The following RGS6 variants were observed in gnomAD, a reference collection of about 807,000 sequenced individuals.
The protein encoded by RGS6 is regulator of G protein signaling 6.
In RGS6, 30 loss-of-function variants were observed where a neutral mutation model predicts 78.5. The ratio of observed to expected loss-of-function variants is 0.38; its 90% CI spans 0.29 to 0.52. The LOEUF (loss-of-function observed/expected upper bound fraction) is 0.52. Ranked by LOEUF, RGS6 falls within the 20% of genes least tolerant of loss-of-function variation. The probability of loss-of-function intolerance (pLI) is 0.85; values close to 1 mark genes in which losing one functional copy is unlikely to be tolerated. For missense variants in RGS6, 495 were observed against 609.7 expected, an observed-to-expected ratio of 0.81 and a Z score of 1.98; for synonymous variants, 206 against 206.0, an observed-to-expected ratio of 1.00 and a Z score of 0.00.
chr14:71,968,988 C>T (rs12888615), intron 2 of RGS6, among the ~76,000 whole-genome samples: 22,754 of 152,136 alleles, frequency 0.15, 2,089 homozygotes, highest in Non-Finnish European at 0.2. Context: ...TGCCACCCCA[C>T]GACAGGCCCC....
At chr14:72,340,117 T>C (rs2076721552) in intron 2 of RGS6, among the ~76,000 whole-genome samples, 1 of 152,158 alleles carries the variant, frequency 6.6e-6, no homozygotes, top group South Asian at 2.1e-4. Flanking sequence ...GAATGAGTGA[T>C]GATTCTCTCT....
chr14:71,995,978 A>G (rs191441382), intron 2 of RGS6, among the ~76,000 whole-genome samples: 2 of 152,148 alleles, frequency 1.3e-5, no homozygotes, highest in Admixed American at 6.5e-5. Context: ...TTTCGGTTCC[A>G]GTGACCAAGG....
the RGS6 span, among the ~76,000 whole-genome samples, chr14:71,887,424 G>A: frequency 6.6e-6 from 1 of 152,166 alleles, no homozygotes; most frequent in African/African-American, 2.4e-5. Context: ...TTTTCTTCTT[G>A]CAGAGAGCCT....
At chr14:71,897,184 T>A in the RGS6 span, among the ~76,000 whole-genome samples, 6 of 152,358 alleles carry the variant, frequency 3.9e-5, no homozygotes, top group African/African-American at 1.4e-4. Context: ...AATTGTTTAT[T>A]GAATCAATGA....
At chr14:72,052,946 T>TTTCC (rs2093348574) in intron 2 of RGS6, among the ~76,000 whole-genome samples, 1 of 34,122 alleles carries the variant, frequency 2.9e-5, no homozygotes, top group Non-Finnish European at 4.7e-5. Context: ...TCTTTCTTTC[T>TTTCC]TTCTTTCTTT....
At chr14:72,502,562 G>T (rs973366370) in intron 13 of RGS6, among the ~76,000 whole-genome samples, 1 of 152,190 alleles carries the variant, frequency 6.6e-6, no homozygotes, top group Non-Finnish European at 1.5e-5. Context: ...TCAGGAGTTT[G>T]AGACCAGCCT....
chr14:72,366,036 G>A (rs1031007090), intron 3 of RGS6, among the ~76,000 whole-genome samples: 1 of 152,092 alleles, frequency 6.6e-6, no homozygotes, highest in African/African-American at 2.4e-5. Flanking sequence ...TGAGTGACCC[G>A]GGACTCCAGG....
At chr14:72,626,895 G>T in the RGS6 span, among the ~76,000 whole-genome samples, 3 of 150,710 alleles carry the variant, frequency 2.0e-5, no homozygotes, top group African/African-American at 4.9e-5. Context: ...TGATATCTCA[G>T]CTTTGAGTTT....
chr14:72,274,291 G>A (rs2060356471), intron 2 of RGS6, among the ~76,000 whole-genome samples: 1 of 152,154 alleles, frequency 6.6e-6, no homozygotes, highest in African/African-American at 2.4e-5. Context: ...AGTCTATTAG[G>A]TCTGGTGGGA....
chr14:72,526,823 T>G (rs1459035024), intron 15 of RGS6, among the ~76,000 whole-genome samples: 1 of 152,258 alleles, frequency 6.6e-6, no homozygotes, highest in Non-Finnish European at 1.5e-5. Flanking sequence ...CTTCTATGTT[T>G]GTTAAGCAGA....
chr14:72,623,890 G>A, the RGS6 span, among the ~76,000 whole-genome samples: 18 of 152,214 alleles, frequency 1.2e-4, no homozygotes, highest in South Asian at 3.7e-3. Context: ...TTCCAGGTCT[G>A]GAGCATAAAA....
chr14:72,086,795 A>G (rs1161693652), intron 2 of RGS6, among the ~76,000 whole-genome samples: 1 of 152,200 alleles, frequency 6.6e-6, no homozygotes, highest in Non-Finnish European at 1.5e-5. Flanking sequence ...CTGGAAACCT[A>G]AAGATCTTGT....
At chr14:72,346,607 A>G (rs1183928867) in intron 2 of RGS6, among the ~76,000 whole-genome samples, 2 of 152,240 alleles carry the variant, frequency 1.3e-5, no homozygotes, top group East Asian at 3.8e-4. Flanking sequence ...CCTTGCAGAC[A>G]GAGTTTTACT....
chr14:72,450,713 TAGAAC>T (rs949725217), intron 3 of RGS6, among the ~76,000 whole-genome samples: 23 of 152,008 alleles, frequency 1.5e-4, no homozygotes, highest in African/African-American at 5.6e-4. Context: ...TAATCTTAGA[TAGAAC>T]AGAAAAGGAA....
chr14:71,953,182 A>G (rs1325095033), intron 1 of RGS6, among the ~76,000 whole-genome samples: 2 of 152,186 alleles, frequency 1.3e-5, no homozygotes, highest in Non-Finnish European at 2.9e-5. Flanking sequence ...ATTGCTAACC[A>G]GGAGGGTGGC....
At chr14:72,382,434 C>T (rs555822053) in intron 3 of RGS6, among the ~76,000 whole-genome samples, 18 of 152,306 alleles carry the variant, frequency 1.2e-4, no homozygotes, top group African/African-American at 4.3e-4. Flanking sequence ...AAATTAGACT[C>T]TGACCATGCC....
intron 2 of RGS6, among the ~76,000 whole-genome samples, chr14:72,195,892 G>A (rs1467557199): frequency 6.6e-6 from 1 of 152,232 alleles, no homozygotes; most frequent in African/African-American, 2.4e-5. Flanking sequence ...ACAGATCGCA[G>A]AAGAGTCAAT....
the RGS6 span, among the ~76,000 whole-genome samples, chr14:72,610,554 A>T: frequency 6.6e-6 from 1 of 152,206 alleles, no homozygotes; most frequent in African/African-American, 2.4e-5. Flanking sequence ...TGAGCTTACA[A>T]ATTGCCCTCA....
At chr14:72,211,730 C>T (rs1011322821) in intron 2 of RGS6, among the ~76,000 whole-genome samples, 3 of 152,140 alleles carry the variant, frequency 2.0e-5, no homozygotes, top group Admixed American at 1.3e-4. Context: ...GCAAAATACC[C>T]TATTTTTAGA....
Sources: allele counts gnomAD v4.1 joint callset (sites outside exome capture counted in the v4.1 genomes callset), GRCh38; gene constraint gnomAD v4.1.1; transcripts MANE v1.5; gene names NCBI Gene and HGNC (gene_info 2026-07-23, HGNC 2026-07-21).